The following CEP63 variants were observed in gnomAD, a reference collection of about 807,000 sequenced individuals.
CEP63 encodes centrosomal protein 63.
CEP63 carries 84 observed loss-of-function variants against 89.1 expected under a neutral mutation model. That is an observed-to-expected ratio of 0.94 (90% CI 0.79 to 1.13). The LOEUF is 1.13. Ranked by LOEUF, CEP63 falls within the 50% of genes most tolerant of loss-of-function variation. The pLI is 0.00. For synonymous variants in CEP63, 267 were observed against 272.5 expected (o/e 0.98, Z 0.20); for missense variants, 838 against 813.3 (o/e 1.03, Z -0.37).
At chr3:134,625,176 T>G in the CEP63 span, 1 of 1,500,294 alleles carries the variant, frequency 6.7e-7, no homozygotes, top group African/African-American at 1.4e-5. Context: ...TGAGACCCAC[T>G]GAAGAGGGCT....
chr3:134,566,234 G>A (rs144110026), downstream of CEP63, among the ~76,000 whole-genome samples: 81 of 151,976 alleles, frequency 5.3e-4, no homozygotes, highest in African/African-American at 1.8e-3. Flanking sequence ...AAGAACTTTT[G>A]CACTCCTCTT....
chr3:134,650,443 G>T, the CEP63 span, among the ~76,000 whole-genome samples: 3 of 152,194 alleles, frequency 2.0e-5, no homozygotes, highest in African/African-American at 7.2e-5. Flanking sequence ...CCTGCAGTGT[G>T]CTGTGGGGGG....
chr3:134,575,784 T>A (rs541190394), downstream of CEP63, among the ~76,000 whole-genome samples: 4 of 152,096 alleles, frequency 2.6e-5, no homozygotes, highest in East Asian at 1.9e-4. Flanking sequence ...GCTAATTTTT[T>A]AAATTTTTTG....
intron 10 of CEP63, among the ~76,000 whole-genome samples, chr3:134,581,132 C>T (rs1958334789): frequency 6.6e-6 from 1 of 152,148 alleles, no homozygotes. Context: ...CATAGACCTT[C>T]CAGGAAAGAA....
the CEP63 span, among the ~76,000 whole-genome samples, chr3:134,767,457 A>G: frequency 1.3e-5 from 2 of 152,212 alleles, no homozygotes; most frequent in Non-Finnish European, 2.9e-5. Context: ...CTTTAGCCCA[A>G]ATCAAGATTC....
intron 1 of CEP63, 150 bp downstream of exon 1, chr3:134,486,352 C>G (rs1420204055): frequency 1.0e-6 from 1 of 985,502 alleles, no homozygotes; most frequent in African/African-American, 1.7e-5. Flanking sequence ...GGCTTGCGGC[C>G]GGTTTGCGCA....
chr3:134,486,445 T>G lies in CEP63; in HGVS notation c.-26+243T>G, dbSNP rs1034962354. ...TCCCTCGGCCTGGCCCGCTATGCCC[T>G]GCACACTGGCGGAGTCTGGCGTGGC... is the stretch of plus-strand genomic sequence containing the variant. On this transcript the variant is annotated intron_variant, in intron 1 of 14. Transcript: ENST00000675561. 5 of 985,582 alleles carry G rather than the reference T, an allele frequency of 5.1e-6. No homozygotes were observed. In the East Asian group the frequency reaches 4.5e-4, roughly 90 times the overall value. 61.1% of individuals were successfully genotyped at this position (985,582 alleles called of 1,614,324 possible).
chr3:134,755,001 A>G, the CEP63 span, among the ~76,000 whole-genome samples: 1 of 151,964 alleles, frequency 6.6e-6, no homozygotes, highest in East Asian at 1.9e-4. Context: ...TGGCCAAGAC[A>G]TGTGGGTCCC....
intron 3 of CEP63, among the ~76,000 whole-genome samples, chr3:134,508,738 A>T (rs1319681138): frequency 6.6e-6 from 1 of 152,192 alleles, no homozygotes; most frequent in African/African-American, 2.4e-5. Flanking sequence ...GAGAGATTTA[A>T]GGGATTAAAT....
At chr3:134,780,387 C>T in the CEP63 span, 3 of 152,178 alleles carry the variant, frequency 2.0e-5, no homozygotes, top group African/African-American at 7.2e-5. Flanking sequence ...AAACTCTGTA[C>T]TCATTAAGCA....
intron 1 of CEP63, among the ~76,000 whole-genome samples, chr3:134,489,158 CAAAA>C (rs765548189): frequency 4.9e-5 from 3 of 60,712 alleles, no homozygotes; most frequent in African/African-American, 5.2e-5. Context: ...GAGACTGTCT[CAAAA>C]AAAAAAAAAA....
the CEP63 span, among the ~76,000 whole-genome samples, chr3:134,604,741 C>T: frequency 1.3e-5 from 2 of 152,168 alleles, no homozygotes; most frequent in South Asian, 4.1e-4. Flanking sequence ...AGCTAAGGGG[C>T]CTCTAGAAAA....
At chr3:134,506,918 CAAAAAAA>C (rs1229943667) in intron 2 of CEP63, among the ~76,000 whole-genome samples, 184 bp from the exon 3 acceptor site, 10 of 24,278 alleles carry the variant, frequency 4.1e-4, no homozygotes, top group East Asian at 3.7e-3. Flanking sequence ...AACTCCATCT[CAAAAAAA>C]AAAAAAAAAA....
the CEP63 span, among the ~76,000 whole-genome samples, chr3:134,615,770 A>G: frequency 1.3e-5 from 2 of 152,214 alleles, no homozygotes; most frequent in African/African-American, 4.8e-5. Context: ...GAAGGCTTAG[A>G]TGGCCACTGC....
rs2110208965 is a variant in CEP63 at position 134,563,258 on chromosome 3, A to T, written c.*1723A>T. The T allele has an allele frequency of 6.6e-6, 1 of 152,378 alleles. No individual in the cohort carries two copies. Among genetic ancestry groups the T allele is most frequent in the Non-Finnish European group, 1.5e-5 (1 of 68,100 alleles). 9.4% of individuals were successfully genotyped at this position (152,378 alleles called of 1,614,324 possible). On this transcript the variant is annotated 3_prime_UTR_variant, in exon 15 of 15. Transcript: ENST00000675561. The stretch of plus-strand genomic sequence containing the variant: ...TCAGACCCAACCGTTTCCCTCCTGC[A>T]CTTCTACCACCTGATCCAGACTACT...
At chr3:134,681,600 G>A in the CEP63 span, among the ~76,000 whole-genome samples, 1 of 152,212 alleles carries the variant, frequency 6.6e-6, no homozygotes, top group African/African-American at 2.4e-5. Flanking sequence ...AGATGGAGGA[G>A]CCTGGCAAAA....
intron 1 of CEP63, among the ~76,000 whole-genome samples, chr3:134,490,151 A>G (rs1019279863): frequency 8.5e-5 from 13 of 152,122 alleles, no homozygotes; most frequent in African/African-American, 2.7e-4. Context: ...TCTAGGATTT[A>G]TGGTGGCCAG....
the CEP63 span, among the ~76,000 whole-genome samples, chr3:134,777,748 G>A: frequency 6.6e-6 from 1 of 150,492 alleles, no homozygotes; most frequent in African/African-American, 2.5e-5. Context: ...CGAGTAGCTG[G>A]GATTACAGGT....
the CEP63 span, among the ~76,000 whole-genome samples, chr3:134,767,769 G>T: frequency 6.6e-6 from 1 of 152,168 alleles, no homozygotes; most frequent in Non-Finnish European, 1.5e-5. Context: ...AAACATTTTT[G>T]AGTATCTGTG....
Sources: allele counts gnomAD v4.1 joint callset (sites outside exome capture counted in the v4.1 genomes callset), GRCh38; gene constraint gnomAD v4.1.1; transcripts MANE v1.5; gene names NCBI Gene and HGNC (gene_info 2026-07-23, HGNC 2026-07-21).